PCNX2: variants seen among roughly 807,000 people sequenced by gnomAD.
PCNX2 encodes the protein pecanex 2, also known as pecanex-like protein 2.
PCNX2 carries 168 observed loss-of-function variants against 223.8 expected under a neutral mutation model. The ratio of observed to expected loss-of-function variants is 0.75; its 90% confidence interval spans 0.66 to 0.85. PCNX2 has a LOEUF of 0.85. PCNX2 is among the 40% of genes least tolerant of loss of function. The pLI, the probability that PCNX2 is intolerant of heterozygous loss-of-function variation, is 0.00. For missense variants in PCNX2, 2,507 were observed against 2,675.5 expected (o/e 0.94, Z 1.39); for synonymous variants, 1,006 against 1,052.6 (o/e 0.96, Z 0.86).
chr1:233,288,121 T>C (rs772235004), intron 1 of PCNX2, among the ~76,000 whole-genome samples: 1 of 152,168 alleles, frequency 6.6e-6, no homozygotes, highest in Non-Finnish European at 1.5e-5. Flanking sequence ...GAAGACGATA[T>C]AGCAATAAGA....
intron 23 of PCNX2, among the ~76,000 whole-genome samples, chr1:233,085,026 A>T (rs114852363): frequency 1.6e-3 from 244 of 152,264 alleles, no homozygotes; most frequent in Non-Finnish European, 2.8e-3. Flanking sequence ...ATACTGTTAG[A>T]CTTAATTCAC....
At chr1:233,041,067 G>A (rs1264288702) in intron 25 of PCNX2, among the ~76,000 whole-genome samples, 2 of 152,014 alleles carry the variant, frequency 1.3e-5, no homozygotes, top group African/African-American at 4.8e-5. Flanking sequence ...CCATGGCCAA[G>A]TATTATAATC....
intron 23 of PCNX2, among the ~76,000 whole-genome samples, chr1:233,073,214 T>G (rs1364146852): frequency 6.6e-6 from 1 of 152,208 alleles, no homozygotes; most frequent in African/African-American, 2.4e-5. Flanking sequence ...TTCCTTTTAA[T>G]TATGTAAGGC....
At chr1:233,246,731 T>C (rs1558387663) in intron 8 of PCNX2, among the ~76,000 whole-genome samples, 1 of 152,140 alleles carries the variant, frequency 6.6e-6, no homozygotes, top group Non-Finnish European at 1.5e-5. Context: ...CTGCTGGCAT[T>C]TCACTGGCTC....
At chr1:233,063,239 C>A (rs1013019828) in intron 23 of PCNX2, among the ~76,000 whole-genome samples, 2 of 121,668 alleles carry the variant, frequency 1.6e-5, no homozygotes, top group Non-Finnish European at 3.6e-5. Flanking sequence ...CTGTCTTCAA[C>A]AACAACAACA....
chr1:233,038,284 T>A (rs921364142), intron 25 of PCNX2, among the ~76,000 whole-genome samples: 1 of 152,204 alleles, frequency 6.6e-6, no homozygotes, highest in Admixed American at 6.5e-5. Context: ...GTGAGTGATA[T>A]GATTTCCCCC....
chr1:233,113,054 T>C, intron 21 of PCNX2: 1 of 1,241,556 alleles, frequency 8.1e-7, no homozygotes, highest in Non-Finnish European at 1.1e-6. Flanking sequence ...TTCCTGCAAT[T>C]ACACAATACA....
At chr1:233,185,084 AACACAC>A (rs60719299) in intron 15 of PCNX2, among the ~76,000 whole-genome samples, 12,525 of 141,696 alleles carry the variant, frequency 0.088, 532 homozygotes, top group South Asian at 0.12. Flanking sequence ...TACATACATA[AACACAC>A]ACACACACAC....
chr1:233,141,733 GTA>G (rs140456696), intron 19 of PCNX2, among the ~76,000 whole-genome samples: 94,334 of 150,946 alleles, frequency 0.62, 31,628 homozygotes, highest in African/African-American at 0.88. Context: ...GTGTAAATGT[GTA>G]TATATATATA....
intron 12 of PCNX2, among the ~76,000 whole-genome samples, 172 bp from the exon 13 acceptor site, chr1:233,208,861 A>G (rs1681661238): frequency 6.6e-6 from 1 of 150,534 alleles, no homozygotes; most frequent in Non-Finnish European, 1.5e-5. Context: ...ACAGGAAAAA[A>G]AGAAAAGAAA....
chr1:233,310,301 T>TACATACAG, the PCNX2 span, among the ~76,000 whole-genome samples: 4 of 152,100 alleles, frequency 2.6e-5, no homozygotes, highest in Admixed American at 2.6e-4. Context: ...AATAATGAAA[T>TACATACAG]ATCTGATGTA....
At chr1:233,013,654 C>A (rs776379531) in intron 28 of PCNX2, among the ~76,000 whole-genome samples, 5 of 152,146 alleles carry the variant, frequency 3.3e-5, no homozygotes, top group Non-Finnish European at 5.9e-5. Context: ...ATAATATAGA[C>A]ACAATGAAGC....
intron 28 of PCNX2, among the ~76,000 whole-genome samples, chr1:233,002,413 C>T (rs2102798925): frequency 6.6e-6 from 1 of 152,164 alleles, no homozygotes; most frequent in South Asian, 2.1e-4. Flanking sequence ...ACAATTGCTA[C>T]AAAGAGAATA....
intron 26 of PCNX2, 106 bp downstream of exon 26, chr1:233,025,040 G>T: frequency 6.9e-7 from 1 of 1,447,130 alleles, no homozygotes. Context: ...CAATTCGGAA[G>T]CTGAGGATGA....
chr1:233,299,202 C>A (rs1029504294), upstream of PCNX2, among the ~76,000 whole-genome samples: 10 of 152,260 alleles, frequency 6.6e-5, no homozygotes, highest in African/African-American at 2.4e-4. Flanking sequence ...AACCTAAATT[C>A]CTCCTCCTCT....
chr1:233,195,536 A>G (rs1680677374), intron 15 of PCNX2, among the ~76,000 whole-genome samples: 1 of 152,246 alleles, frequency 6.6e-6, no homozygotes, highest in South Asian at 2.1e-4. Context: ...TAGACATGAC[A>G]ATCTATGGTA....
At chr1:233,223,051 G>A (rs1572104257) in intron 10 of PCNX2, among the ~76,000 whole-genome samples, 1 of 152,190 alleles carries the variant, frequency 6.6e-6, no homozygotes, top group African/African-American at 2.4e-5. Flanking sequence ...CAAGAGCTTT[G>A]CAGCCACTGG....
Position 233,258,391 on chromosome 1 carries a change from C to T in PCNX2, c.1471G>A (p.Glu491Lys), listed in dbSNP as rs766903603. ...DHSSSSREPW[E>K]SVSRLTPDTG... Reference sequence around the variant, plus strand: ...TCAGGTGTAAGCCGGGACACCGATTCCCAGGGTTCCCGTGATGAAGAACTG... The same window carrying T: ...TCAGGTGTAAGCCGGGACACCGATTTCCAGGGTTCCCGTGATGAAGAACTG... Residue 491 changes from glutamate (E) to lysine (K), a missense_variant, in exon 5 of 34, where the codon GAA becomes AAA. This residue lies in a region of PCNX2 where 1,031 missense variants were observed against 1,021.7 expected (regional missense o/e 1.01). Coordinates refer to ENST00000258229, the MANE Select transcript of PCNX2 (RefSeq NM_014801.4). 8 of 1,613,990 alleles carry T rather than the reference C, an allele frequency of 5.0e-6. No homozygotes were observed. In the South Asian group the frequency reaches 8.8e-5, roughly 18 times the overall value.
chr1:233,074,057 T>G (rs1672975541), intron 23 of PCNX2, among the ~76,000 whole-genome samples: 1 of 152,236 alleles, frequency 6.6e-6, no homozygotes, highest in Non-Finnish European at 1.5e-5. Context: ...TTGAGATTTC[T>G]TCTTAGAACC....
Sources: gnomAD v4.1 joint callset for allele counts (sites outside exome capture counted in the v4.1 genomes callset) on GRCh38, gnomAD v4.1.1 for gene constraint, gnomAD v4.1.1 regional missense constraint, MANE v1.5 for transcripts, NCBI Gene and HGNC (gene_info 2026-07-23, HGNC 2026-07-21) for gene names.